P4HA3: variants seen among roughly 807,000 people sequenced by gnomAD.
The protein encoded by P4HA3 is prolyl 4-hydroxylase subunit alpha-3.
In P4HA3, 60 loss-of-function variants were observed where a neutral mutation model predicts 66.7. The observed-to-expected ratio is 0.90, with a 90% CI of 0.73 to 1.12. The LOEUF (loss-of-function observed/expected upper bound fraction) is 1.12. P4HA3 is among the 50% of genes most tolerant of loss of function. The pLI is 0.00. For missense variants in P4HA3, 683 were observed against 685.8 expected (o/e 1.00, Z 0.05); for synonymous variants, 263 against 274.6 (o/e 0.96, Z 0.42).
intron 2 of P4HA3, among the ~76,000 whole-genome samples, chr11:74,303,200 C>G (rs1328067226): frequency 1.3e-5 from 2 of 151,880 alleles, no homozygotes; most frequent in East Asian, 3.9e-4. Flanking sequence ...AGTGATCCTT[C>G]CAACTCAAGC....
At chr11:74,266,051 G>A (rs938892668), downstream of P4HA3, among the ~76,000 whole-genome samples, 3 of 152,182 alleles carry the variant, frequency 2.0e-5, no homozygotes, top group African/African-American at 7.2e-5. Context: ...TGAGTGGAAT[G>A]ATGAAAAGAG....
In P4HA3 at chr11:74,302,260, T is replaced by C. The variant is rs184072760; in HGVS notation, c.567+109A>G. ...TCTGAAAATGGAAATGATATCAAAT[T>C]TCCAAGTTTACTGTAAGTATTAAAA... On this transcript the variant is annotated intron_variant, in intron 3 of 12. Coordinates refer to ENST00000331597, the MANE Select transcript of P4HA3 (RefSeq NM_182904.5). 919 of 1,042,374 alleles carry C rather than the reference T, an allele frequency of 8.8e-4. 6 individuals are homozygous for C. The African/African-American group carries it at 0.013, about 15-fold the overall frequency. The allele number at this position is 1,042,374 out of a possible 1,614,324, so 64.6% of individuals were successfully genotyped here. A position where few individuals can be genotyped will look rare whatever the true frequency, so the allele number is the denominator to read the frequency against.
chr11:74,255,949 T>C, intron 15 of P4HA3: 1 of 516,892 alleles, frequency 1.9e-6, no homozygotes, highest in Non-Finnish European at 3.9e-6. Context: ...TGCTGAGCTA[T>C]GTGCCCTCTT....
rs758686154 is a variant in P4HA3, at chr11:74,300,712, G to A, written c.567+1657C>T. On this transcript the variant is annotated intron_variant, in intron 3 of 12. Transcript: ENST00000331597. ...GGGGAAGTGTAGATGAAACAAATTT[G>A]GCCACATGTTGATAATTATTGAAGC... Among the ~76,000 whole-genome samples, 144 of 152,044 alleles carry A rather than the reference G, an allele frequency of 9.5e-4. 1 individual carries two copies. The highest frequency in any genetic ancestry group is 1.9e-3 in the Non-Finnish European group (130 of 68,000).
At position 74,305,644 on chromosome 11, in the gene P4HA3, A is replaced by G. The variant is rs557211351; in HGVS notation, c.201-1232T>C. 5.9e-5 allele frequency among the ~76,000 whole-genome samples: 9 copies of G among 152,328 alleles called. No individual in the cohort carries two copies. The East Asian group carries it at 9.6e-4, about 16-fold the overall frequency. On this transcript the variant is annotated intron_variant, in intron 1 of 12. Transcript: ENST00000331597. ...CTTGAGATATATTTGTAGTAAGTCA[A>G]TCTACACGAGTTATTTGCTAGATGT...
intron 15 of P4HA3, chr11:74,251,900 G>T (rs1256602082): frequency 2.4e-6 from 2 of 830,272 alleles, no homozygotes; most frequent in Admixed American, 3.4e-5. Context: ...TTGTTTCTTT[G>T]TGCTGTGCTC....
chr11:74,269,837 A>G, intron 10 of P4HA3, 117 bp from the exon 11 acceptor site: 1 of 1,051,284 alleles, frequency 9.5e-7, no homozygotes, highest in Non-Finnish European at 1.4e-6. Context: ...CTCTGAGAGA[A>G]ATACTTGAAA....
chr11:74,268,005 T>C, intron 12 of P4HA3, 140 bp downstream of exon 12: 1 of 744,586 alleles, frequency 1.3e-6, no homozygotes, highest in East Asian at 2.6e-5. Context: ...ACCTCATTCA[T>C]AATCTGATCT....
At chr11:74,281,203 T>C (rs1860582443) in intron 7 of P4HA3, among the ~76,000 whole-genome samples, 1 of 151,976 alleles carries the variant, frequency 6.6e-6, no homozygotes, top group Non-Finnish European at 1.5e-5. Flanking sequence ...AGAATGGCAA[T>C]CATTAAAAAG....
At position 74,280,535 on chromosome 11, in the gene P4HA3, A is replaced by G. The variant is rs1312886271; in HGVS notation, c.1111-1083T>C. ...AAGAGAAATATTATTTATTTATATG[A>G]GGGTAAACATGTCTACTTCTGCCTC... On this transcript the variant is annotated intron_variant, in intron 7 of 12. Transcript: ENST00000331597. Among the ~76,000 whole-genome samples, 3 of 152,214 alleles carry G rather than the reference A, an allele frequency of 2.0e-5. No individual in the cohort carries two copies. The East Asian group carries it at 5.8e-4, about 29-fold the overall frequency.
At chr11:74,271,714 C>T (rs753358144) in intron 10 of P4HA3, among the ~76,000 whole-genome samples, 2 of 152,150 alleles carry the variant, frequency 1.3e-5, no homozygotes, top group Non-Finnish European at 2.9e-5. Context: ...TGGACTTCAA[C>T]TCAATCCTCT....
downstream of P4HA3, among the ~76,000 whole-genome samples, chr11:74,264,433 C>T (rs936017238): frequency 6.6e-6 from 1 of 152,200 alleles, no homozygotes; most frequent in Non-Finnish European, 1.5e-5. Context: ...TCAAGATTTG[C>T]TCAAGTCCCT....
chr11:74,271,377 T>C (rs1348839667), intron 10 of P4HA3, among the ~76,000 whole-genome samples: 1 of 152,118 alleles, frequency 6.6e-6, no homozygotes, highest in Non-Finnish European at 1.5e-5. Flanking sequence ...TTTTACAATA[T>C]GGTGGAAAGG....
At chr11:74,269,618 C>T in intron 11 of P4HA3, 34 bp downstream of exon 11, 1 of 1,602,138 alleles carries the variant, frequency 6.2e-7, no homozygotes. Flanking sequence ...TGCACTCCCT[C>T]AACCCCGTCT....
intron 4 of P4HA3, among the ~76,000 whole-genome samples, chr11:74,289,728 G>A (rs1860942530): frequency 6.6e-6 from 1 of 151,558 alleles, no homozygotes; most frequent in Admixed American, 6.6e-5. Flanking sequence ...ATTTTTCTGA[G>A]AATGACGGTT....
rs756005378 is a variant in P4HA3, at chr11:74,298,283, C to T, written c.646G>A (p.Gly216Arg). ...EAVSLFRGSY[G>R]EWKTEDEASL... ...GCCTCATCCTCTGTCTTCCACTCTC[C>T]GTAAGATCCTCGGAAGAGACTGACA... is the stretch of plus-strand genomic sequence containing the variant. The change falls in exon 4 of 13, where the codon GGA (glycine) becomes AGA (arginine). Residue 216 changes from glycine (G) to arginine (R), a missense_variant. Physicochemically the swap from Gly to Arg is moderately radical, Grantham distance 125. Coordinates refer to ENST00000331597, the MANE Select transcript of P4HA3 (RefSeq NM_182904.5). 10 of 1,613,984 alleles carry T rather than the reference C, an allele frequency of 6.2e-6. No individual in the cohort carries two copies. The highest frequency in any genetic ancestry group is 4.5e-5 in the East Asian group (2 of 44,888).
At chr11:74,273,717 G>T in intron 9 of P4HA3, 110 bp from the exon 10 acceptor site, 1 of 847,054 alleles carries the variant, frequency 1.2e-6, no homozygotes, top group Non-Finnish European at 1.7e-6. Context: ...TCAAAGATGG[G>T]ATATAGTTCT....
At chr11:74,271,667 C>A (rs1393210795) in intron 10 of P4HA3, among the ~76,000 whole-genome samples, 2 of 152,082 alleles carry the variant, frequency 1.3e-5, no homozygotes. Context: ...CAGATTGGGA[C>A]TGATCTTATG....
chr11:74,274,292 G>GT (rs1229794943), intron 9 of P4HA3, among the ~76,000 whole-genome samples: 3 of 149,982 alleles, frequency 2.0e-5, no homozygotes, highest in African/African-American at 7.4e-5. Context: ...TCCAATTCTT[G>GT]GTTTTTTTTT....
Sources: allele counts gnomAD v4.1 joint callset (sites outside exome capture counted in the v4.1 genomes callset), GRCh38; gene constraint gnomAD v4.1.1; transcripts MANE v1.5; gene names NCBI Gene and HGNC (gene_info 2026-07-23, HGNC 2026-07-21).